The following AP1G1 variants were observed in gnomAD, a reference collection of about 807,000 sequenced individuals.
AP1G1 encodes the protein adaptor related protein complex 1 subunit gamma 1, also known as AP-1 complex subunit gamma-1.
A neutral mutation model predicts 108.3 loss-of-function variants in AP1G1; 7 were observed. That is an observed-to-expected ratio of 0.06 (90% CI 0.04 to 0.12). AP1G1 has a LOEUF of 0.12. AP1G1 is among the 10% of genes least tolerant of loss of function. AP1G1 has a pLI of 1.00. For synonymous variants in AP1G1, 379 were observed against 353.5 expected (o/e 1.07, Z -0.81); for missense variants, 756 against 1,010.7 (o/e 0.75, Z 3.42).
Position 71,734,690 on chromosome 16 carries a change from G to A in AP1G1, c.2286C>T (p.Leu762=). 2 of 1,613,844 alleles carry A rather than the reference G, an allele frequency of 1.2e-6. No individual in the cohort carries two copies. The highest frequency in any genetic ancestry group is 1.7e-6 in the Non-Finnish European group (2 of 1,179,756). ...AAVPKTFQLQ[L]LSPSSSIVPA... ...GGACAATGCTGCTGCTAGGAGACAA[G>A]AGCTGCAGCTGGAATGTCTAGGGGG... Residue 762 remains leucine, a synonymous_variant, in exon 22 of 23, where the codon CTC becomes CTT. Coordinates refer to ENST00000299980, the MANE Select transcript of AP1G1 (RefSeq NM_001128.6).
chr16:71,786,067 A>C (rs1352550827), intron 2 of AP1G1, among the ~76,000 whole-genome samples: 1 of 152,232 alleles, frequency 6.6e-6, no homozygotes, highest in Non-Finnish European at 1.5e-5. Context: ...AAACAGAATA[A>C]GAACTTAAAA....
chr16:71,766,505 G>A lies in AP1G1; in HGVS notation c.643-921C>T, dbSNP rs1429658822. On this transcript the variant is annotated intron_variant, in intron 6 of 22. Transcript: ENST00000299980. ...GTTTGCCACAATAGGAACTTTTTATGTTTCCAACTAAAAACTCAATTTTTA... is the reference window on the plus strand; with the variant it reads ...GTTTGCCACAATAGGAACTTTTTATATTTCCAACTAAAAACTCAATTTTTA... The A allele has an allele frequency of 6.7e-6, 3 of 444,878 alleles. No individual in the cohort carries two copies. In the East Asian group the frequency reaches 2.1e-4, roughly 32 times the overall value. The allele number at this position is 444,878 out of a possible 1,614,324, so 27.6% of individuals were successfully genotyped here.
In AP1G1 at chr16:71,769,735, G is replaced by A. The variant is rs970735478; in HGVS notation, c.566-36C>T. The A allele has an allele frequency of 5.2e-6, 8 of 1,531,224 alleles. No individual in the cohort carries two copies. The East Asian group carries it at 9.0e-5, about 17-fold the overall frequency. 94.9% of individuals were successfully genotyped at this position (1,531,224 alleles called of 1,614,324 possible). On this transcript the variant is annotated intron_variant, in intron 5 of 22. Coordinates refer to ENST00000299980, the MANE Select transcript of AP1G1 (RefSeq NM_001128.6). The stretch of plus-strand genomic sequence containing the variant: ...AGATCAAAGGAAAACTAAAAATGAG[G>A]CCTATTATTCAATTTTATAGAACAG...
In AP1G1 at chr16:71,795,962, C is replaced by T. The variant is rs568975162; in HGVS notation, c.-3-6480G>A. On this transcript the variant is annotated intron_variant, in intron 1 of 22. Coordinates refer to ENST00000299980, the MANE Select transcript of AP1G1 (RefSeq NM_001128.6). ...AGATTAAATCTGGGGATAGGCCAGG[C>T]GTGGTGGCTCACGCCTGTAATCCCA... is the stretch of plus-strand genomic sequence containing the variant. Among the ~76,000 whole-genome samples the T allele has an allele frequency of 1.1e-3, 160 of 152,298 alleles. 1 individual carries two copies. The highest frequency in any genetic ancestry group is 3.8e-3 in the African/African-American group (158 of 41,576).
intron 2 of AP1G1, among the ~76,000 whole-genome samples, chr16:71,782,471 T>A (rs1567658616): frequency 6.6e-6 from 1 of 150,472 alleles, no homozygotes. Context: ...CCTACAATTA[T>A]TATTATTATT....
intron 1 of AP1G1, among the ~76,000 whole-genome samples, chr16:71,806,160 C>A (rs72801756): frequency 0.24 from 36,230 of 152,140 alleles, 4,579 homozygotes; most frequent in South Asian, 0.47. Context: ...CTGGCAAATT[C>A]TGTACTTTAA....
chr16:71,747,356 A>G (rs1273899541), intron 16 of AP1G1: 1 of 152,222 alleles, frequency 6.6e-6, no homozygotes, highest in Non-Finnish European at 1.5e-5. Context: ...AACCTTGGCC[A>G]GATTACAAGG....
chr16:71,744,402 G>T (rs2030050559), intron 19 of AP1G1, among the ~76,000 whole-genome samples: 1 of 152,062 alleles, frequency 6.6e-6, no homozygotes, highest in Non-Finnish European at 1.5e-5. Context: ...TTTAATTACA[G>T]AAAGTGTGAA....
intron 2 of AP1G1, among the ~76,000 whole-genome samples, chr16:71,787,318 CAAAAAAAAAAAA>C (rs71153662): frequency 1.2e-4 from 12 of 96,908 alleles, no homozygotes; most frequent in Non-Finnish European, 1.8e-4. Context: ...GACTCTGTCT[CAAAAAAAAAAAA>C]AAAAAAAAAA....
At chr16:71,789,608 G>A (rs1043653384) in intron 1 of AP1G1, 126 bp from the exon 2 acceptor site, 8 of 932,764 alleles carry the variant, frequency 8.6e-6, no homozygotes, top group Middle Eastern at 3.3e-4. Flanking sequence ...CCAGCTTAGC[G>A]AAGCTAAACA....
At chr16:71,748,213 A>G in intron 16 of AP1G1, 38 bp downstream of exon 16, 1 of 1,582,660 alleles carries the variant, frequency 6.3e-7, no homozygotes, top group Non-Finnish European at 8.5e-7. Context: ...TTTTAATTAC[A>G]AAACAACCTG....
At chr16:71,781,935 G>A (rs995886341) in intron 2 of AP1G1, among the ~76,000 whole-genome samples, 3 of 152,104 alleles carry the variant, frequency 2.0e-5, no homozygotes, top group Non-Finnish European at 4.4e-5. Context: ...TAGAGCCAGT[G>A]GTATGAACTT....
chr16:71,758,627 T>G, intron 11 of AP1G1, 181 bp downstream of exon 11: 1 of 605,358 alleles, frequency 1.7e-6, no homozygotes. Context: ...TCCCTGCCAA[T>G]CCTTTCTAAA....
At chr16:71,782,355 G>A (rs751195651) in intron 2 of AP1G1, among the ~76,000 whole-genome samples, 7 of 151,382 alleles carry the variant, frequency 4.6e-5, no homozygotes, top group Non-Finnish European at 8.8e-5. Flanking sequence ...GTAGAGATGG[G>A]GTTTCACTAT....
intron 21 of AP1G1, among the ~76,000 whole-genome samples, chr16:71,737,176 T>C (rs966309666): frequency 1.3e-5 from 2 of 152,204 alleles, no homozygotes; most frequent in Non-Finnish European, 1.5e-5. Flanking sequence ...CACTGAGGCA[T>C]AGAGGTTCAG....
At chr16:71,770,437 A>T (rs2031525732) in intron 5 of AP1G1, among the ~76,000 whole-genome samples, 2 of 152,258 alleles carry the variant, frequency 1.3e-5, no homozygotes, top group African/African-American at 4.8e-5. Flanking sequence ...AAAGATTCTG[A>T]GTACCTAATA....
chr16:71,776,235 T>C (rs997075079), intron 2 of AP1G1, among the ~76,000 whole-genome samples: 7 of 152,210 alleles, frequency 4.6e-5, no homozygotes, highest in African/African-American at 9.6e-5. Flanking sequence ...TATTTAAAAA[T>C]TGCTCTCTCA....
intron 1 of AP1G1, among the ~76,000 whole-genome samples, chr16:71,805,008 C>CTCAA (rs963282683): frequency 2.0e-5 from 3 of 151,830 alleles, no homozygotes; most frequent in African/African-American, 7.3e-5. Context: ...GAGAACCTGT[C>CTCAA]TCAATCAATC....
At chr16:71,789,511 T>G in intron 1 of AP1G1, 29 bp from the exon 2 acceptor site, 1 of 1,597,824 alleles carries the variant, frequency 6.3e-7, no homozygotes, top group Non-Finnish European at 8.6e-7. Flanking sequence ...TAAATAGAGA[T>G]GTTCACATTT....
Sources: gnomAD v4.1 joint callset for allele counts (sites outside exome capture counted in the v4.1 genomes callset) on GRCh38, gnomAD v4.1.1 for gene constraint, MANE v1.5 for transcripts, NCBI Gene and HGNC (gene_info 2026-07-23, HGNC 2026-07-21) for gene names.